The following PHKG1 variants were observed in gnomAD, a reference collection of about 807,000 sequenced individuals.
PHKG1 encodes the protein phosphorylase kinase catalytic subunit gamma 1.
PHKG1 carries 48 observed loss-of-function variants against 50.5 expected under a neutral mutation model. The observed-to-expected ratio is 0.95, with a 90% CI of 0.75 to 1.21. The LOEUF is 1.21. Among genes scored for constraint, PHKG1 ranks in the 50% most tolerant of loss-of-function variants. The pLI, the probability that PHKG1 is intolerant of heterozygous loss-of-function variation, is 0.00. For missense variants in PHKG1, 487 were observed against 519.5 expected (o/e 0.94, Z 0.61); for synonymous variants, 204 against 212.8 (o/e 0.96, Z 0.36).
At chr7:56,091,332 C>T (rs375259143) in intron 1 of PHKG1, among the ~76,000 whole-genome samples, 48 of 152,120 alleles carry the variant, frequency 3.2e-4, no homozygotes, top group African/African-American at 1.0e-3. Context: ...CTGGCTAACA[C>T]GGTGAAACCC....
rs545111726 is a variant in PHKG1 at position 56,089,437 on chromosome 7, C to T, written c.-34-462G>A. 3.8e-5 allele frequency among the ~76,000 whole-genome samples: 3 copies of T among 78,676 alleles called. No individual in the cohort carries two copies. In the East Asian group the frequency reaches 1.2e-3, roughly 32 times the overall value. 51.6% of individuals were successfully genotyped at this position (78,676 alleles called of 152,430 possible). On this transcript the variant is annotated intron_variant, in intron 1 of 9. Transcript: ENST00000297373. ...ATCTTTGTAGAGATGGGGTCATGCT[C>T]TGTTACCCATCTCTGTACCAGAGTG...
chr7:56,089,788 T>C (rs754148408), intron 1 of PHKG1, among the ~76,000 whole-genome samples: 4 of 152,152 alleles, frequency 2.6e-5, no homozygotes, highest in Non-Finnish European at 5.9e-5. Flanking sequence ...TCTCCCAAAG[T>C]GCTGGGATTA....
intron 5 of PHKG1, 47 bp from the exon 6 acceptor site, chr7:56,083,488 G>A (rs201881589): frequency 1.9e-6 from 3 of 1,603,428 alleles, no homozygotes; most frequent in South Asian, 1.1e-5. Context: ...TCAGGGTCAG[G>A]TAACAGGCAG....
chr7:56,087,570 T>G, intron 3 of PHKG1, 28 bp downstream of exon 3: 1 of 1,600,030 alleles, frequency 6.2e-7, no homozygotes, highest in African/African-American at 1.3e-5. Context: ...GGGGGCACCC[T>G]GCCGTGTGGC....
intron 2 of PHKG1, among the ~76,000 whole-genome samples, chr7:56,088,033 GCT>G (rs1796340914): frequency 1.1e-5 from 1 of 94,356 alleles, no homozygotes. Context: ...GCCGTTCAGT[GCT>G]TTTTTTTTTT....
At chr7:56,088,096 A>C (rs931800482) in intron 2 of PHKG1, among the ~76,000 whole-genome samples, 3 of 131,924 alleles carry the variant, frequency 2.3e-5, no homozygotes, top group Non-Finnish European at 3.1e-5. Flanking sequence ...GTGCAGTGGC[A>C]CAATCTTAGC....
At chr7:56,087,502 A>T in intron 3 of PHKG1, 96 bp downstream of exon 3, 1 of 1,215,476 alleles carries the variant, frequency 8.2e-7, no homozygotes, top group Non-Finnish European at 1.2e-6. Context: ...GGGTGGTTCT[A>T]GTTGGCTGTG....
chr7:56,081,566 A>C lies in PHKG1; in HGVS notation c.918+64T>G. On this transcript the variant is annotated intron_variant, in intron 9 of 9. Transcript: ENST00000297373. This position sits in a 1 kb window ranked among gnomAD's most constrained non-coding sequence, Gnocchi z 4.6. The stretch of plus-strand genomic sequence containing the variant: ...TTCACGGGGTGTAAGGACTCCTGGG[A>C]GAGGAGGGGGCTTAGAGGTTTGCAC... 6.3e-7 allele frequency: 1 copy of C among 1,578,260 alleles called. No individual in the cohort carries two copies. The highest frequency in any genetic ancestry group is 8.7e-7 in the Non-Finnish European group (1 of 1,154,704).
intron 6 of PHKG1, among the ~76,000 whole-genome samples, chr7:56,082,643 AT>A (rs1332269624): frequency 6.6e-6 from 1 of 152,070 alleles, no homozygotes; most frequent in East Asian, 1.9e-4. Flanking sequence ...TGGAACAGAA[AT>A]GGCGCTCGGG....
intron 6 of PHKG1, among the ~76,000 whole-genome samples, chr7:56,082,883 G>C (rs925246679): frequency 6.6e-6 from 1 of 151,996 alleles, no homozygotes; most frequent in African/African-American, 2.4e-5. Context: ...CGAGGCGGGC[G>C]GATCGTAAGG....
Position 56,081,532 on chromosome 7 carries a change from C to G in PHKG1, c.918+98G>C. The G allele has an allele frequency of 2.8e-6, 4 of 1,422,864 alleles. No individual in the cohort carries two copies. In the Admixed American group the frequency reaches 5.4e-5, roughly 19 times the overall value. The allele number at this position is 1,422,864 out of a possible 1,614,324, so 88.1% of individuals were successfully genotyped here. A position where few individuals can be genotyped will look rare whatever the true frequency, so the allele number is the denominator to read the frequency against. On this transcript the variant is annotated intron_variant, in intron 9 of 9. Transcript: ENST00000297373. The surrounding 1 kb of genome is among the most constrained non-coding windows in gnomAD (Gnocchi z 4.6). ...GCAGCTGGGAGGGGAGGGATGGGTA[C>G]TCTGGAAATTCACGGGGTGTAAGGA... is the stretch of plus-strand genomic sequence containing the variant.
chr7:56,082,464 G>A (rs183275286), intron 6 of PHKG1, among the ~76,000 whole-genome samples: 36 of 152,214 alleles, frequency 2.4e-4, no homozygotes, highest in African/African-American at 8.2e-4. Context: ...GTGGTGGCAT[G>A]TGCCTGTAGT....
rs781116962 is a variant in PHKG1, at chr7:56,081,274, G to A, written c.944C>T (p.Ser315Leu). The stretch of plus-strand genomic sequence containing the variant: ...GCGGTACTGGTAGTAGATCCGCACT[G>A]AAGCCAGCACGGTCAGAGCGATCAC... ...FKVIALTVLA[S>L]VRIYYQYRRV... is the part of the protein sequence containing the mutation. Residue 315 changes from serine (S) to leucine (L), a missense_variant, in exon 10 of 10, where the codon TCA becomes TTA. Ser to Leu is a moderately radical substitution (Grantham distance 145). Coordinates refer to ENST00000297373, the MANE Select transcript of PHKG1 (RefSeq NM_006213.5). The surrounding 1 kb of genome is among the most constrained non-coding windows in gnomAD (Gnocchi z 4.6). 1.2e-6 allele frequency: 2 copies of A among 1,611,696 alleles called. No individual in the cohort carries two copies. Among genetic ancestry groups the A allele is most frequent in the Admixed American group, 3.3e-5 (2 of 60,002 alleles).
chr7:56,091,528 GACAAA>G (rs1317555294), intron 1 of PHKG1, among the ~76,000 whole-genome samples: 6 of 139,720 alleles, frequency 4.3e-5, no homozygotes, highest in African/African-American at 1.0e-4. Context: ...AAAAAAAAAA[GACAAA>G]ACAAAACAAA....
At position 56,081,621 on chromosome 7, in the gene PHKG1, G is replaced by C. The variant is rs1279593899; in HGVS notation, c.918+9C>G. ...GGAGCTGGCGGGCCTGGATCAGGAC[G>C]CTTAGTACCTTGAACTTCCCCCGGG... is the stretch of plus-strand genomic sequence containing the variant. On this transcript the variant is annotated intron_variant, in intron 9 of 9. Transcript: ENST00000297373. The surrounding 1 kb of genome is among the most constrained non-coding windows in gnomAD (Gnocchi z 4.6). The C allele has an allele frequency of 1.9e-6, 3 of 1,613,202 alleles. No individual in the cohort carries two copies. The highest frequency in any genetic ancestry group is 1.8e-4 in the Middle Eastern group (1 of 5,692).
intron 4 of PHKG1, among the ~76,000 whole-genome samples, chr7:56,084,870 C>T (rs1194535881): frequency 1.3e-5 from 2 of 152,166 alleles, no homozygotes; most frequent in African/African-American, 2.4e-5. Context: ...AAATAGCTTC[C>T]CCCAGCAACT....
chr7:56,083,559 C>T (rs1562878283), intron 5 of PHKG1, 91 bp downstream of exon 5: 25 of 1,496,362 alleles, frequency 1.7e-5, no homozygotes, highest in Non-Finnish European at 2.2e-5. Context: ...CCAGCCCAGA[C>T]ATGTGCACGC....
intron 3 of PHKG1, 27 bp from the exon 4 acceptor site, chr7:56,087,051 C>T: frequency 1.9e-6 from 3 of 1,599,316 alleles, no homozygotes; most frequent in Non-Finnish European, 2.6e-6. Context: ...TAGCTTGTCT[C>T]AAGTAGCAGG....
intron 4 of PHKG1, chr7:56,084,370 ATTTTTT>A: frequency 7.8e-5 from 32 of 408,702 alleles, no homozygotes; most frequent in Non-Finnish European, 1.0e-4. Context: ...GAGTATCCCG[ATTTTTT>A]TTTTTTTTTT....
Sources: allele counts gnomAD v4.1 joint callset (sites outside exome capture counted in the v4.1 genomes callset), GRCh38; gene constraint gnomAD v4.1.1; non-coding constraint Gnocchi (gnomAD v3.1); transcripts MANE v1.5; gene names NCBI Gene and HGNC (gene_info 2026-07-23, HGNC 2026-07-21).